Variants in DYSF observed in about 807,000 individuals in gnomAD.
The protein encoded by DYSF is dystrophy-associated fer-1-like 1.
A neutral mutation model predicts 274.9 loss-of-function variants in DYSF; 212 were observed. The observed-to-expected ratio is 0.77, with a 90% CI of 0.69 to 0.86. DYSF has a LOEUF of 0.86. DYSF is among the 40% of genes least tolerant of loss of function. The pLI, the probability that DYSF is intolerant of heterozygous loss-of-function variation, is 0.00. For missense variants in DYSF, 2,666 were observed against 2,783.2 expected (o/e 0.96, Z 0.95); for synonymous variants, 1,091 against 1,078.7 (o/e 1.01, Z -0.22).
At chr2:71,638,380 T>C (rs1002901016) in intron 41 of DYSF, among the ~76,000 whole-genome samples, 2 of 130,590 alleles carry the variant, frequency 1.5e-5, no homozygotes. Flanking sequence ...AAAAAAAAAG[T>C]ACTGAAGAGC....
In DYSF at chr2:71,600,711, G is replaced by A. The variant is rs1291667876; in HGVS notation, c.3766G>A (p.Glu1256Lys). The change falls in exon 34 of 56, where the codon GAG becomes AAG. Residue 1256 changes from glutamate to lysine, a missense_variant. Around this residue, in one of 3 missense-constraint regions of DYSF, gnomAD observed 1,460 missense variants for 1,502.1 expected, o/e 0.97. Transcript: ENST00000410020. ...TCTACGCTTGGTCTAGGGTGCAGAC[G>A]AGTTTATGGGTCGCTGCATCTGTCA... ...LYDHDTYGAD[E>K]FMGRCICQPS... 1.9e-6 allele frequency: 3 copies of A among 1,614,002 alleles called. No individual in the cohort carries two copies. The highest frequency in any genetic ancestry group is 2.2e-5 in the East Asian group (1 of 44,892).
intron 40 of DYSF, among the ~76,000 whole-genome samples, chr2:71,616,768 C>T (rs1288150374): frequency 6.6e-6 from 1 of 152,152 alleles, no homozygotes; most frequent in African/African-American, 2.4e-5. Flanking sequence ...GGCTTACCTC[C>T]ATCCAAACAC....
intron 45 of DYSF, among the ~76,000 whole-genome samples, chr2:71,662,522 C>G (rs201075015): frequency 2.5e-5 from 3 of 121,904 alleles, no homozygotes; most frequent in Non-Finnish European, 3.8e-5. Flanking sequence ...GTATGTGTGT[C>G]TGTGTTCGTG....
chr2:71,537,226 T>TTGTTG (rs1279067542), intron 16 of DYSF, among the ~76,000 whole-genome samples: 9 of 120,196 alleles, frequency 7.5e-5, no homozygotes, highest in Middle Eastern at 3.9e-3. Context: ...TAGTTTTGTT[T>TTGTTG]TTTTTTTTTT....
chr2:71,657,223 T>G (rs1319898409), intron 43 of DYSF, among the ~76,000 whole-genome samples: 1 of 152,210 alleles, frequency 6.6e-6, no homozygotes, highest in East Asian at 1.9e-4. Flanking sequence ...AGTCATATTT[T>G]AAAGCTCCAA....
At chr2:71,547,769 C>T (rs1031753880) in intron 17 of DYSF, among the ~76,000 whole-genome samples, 7 of 152,116 alleles carry the variant, frequency 4.6e-5, no homozygotes, top group Non-Finnish European at 1.5e-5. Context: ...GTCAGATGGC[C>T]GATGGGATTA....
At chr2:71,482,023 T>C in intron 3 of DYSF, 53 bp downstream of exon 3, 1 of 1,472,310 alleles carries the variant, frequency 6.8e-7, no homozygotes, top group Non-Finnish European at 9.5e-7. Context: ...GGTAGGATTG[T>C]GGAGTATACA....
chr2:71,511,397 T>C (rs2086077973), intron 4 of DYSF, among the ~76,000 whole-genome samples: 1 of 152,188 alleles, frequency 6.6e-6, no homozygotes, highest in Non-Finnish European at 1.5e-5. Flanking sequence ...ACAGGCCAAG[T>C]GGATAGTGGG....
chr2:71,667,461 G>A lies in DYSF; in HGVS notation c.5403G>A (p.Pro1801=), dbSNP rs771738959. The A allele has an allele frequency of 9.9e-6, 16 of 1,614,002 alleles. No homozygotes were observed. The highest frequency in any genetic ancestry group is 1.7e-5 in the Admixed American group (1 of 60,002). The change falls in exon 48 of 56, where the codon CCG becomes CCA. Residue 1801 remains proline, a synonymous_variant. Coordinates refer to ENST00000410020, the MANE Select transcript of DYSF (RefSeq NM_001130987.2). ...LHVLQQQGLV[P]EHVESRPLYS... ...TGCTTCAGCAGCAGGGCCTGGTCCCGGAGCACGTGGAGTCACGGCCCCTCT... is the reference window on the plus strand; with the variant it reads ...TGCTTCAGCAGCAGGGCCTGGTCCCAGAGCACGTGGAGTCACGGCCCCTCT...
At chr2:71,505,867 GC>G (rs1355056616) in intron 4 of DYSF, among the ~76,000 whole-genome samples, 1 of 152,244 alleles carries the variant, frequency 6.6e-6, no homozygotes. Context: ...AGCCTACGAA[GC>G]CCAGTGGTGT....
At chr2:71,591,432 C>A (rs1313556901) in intron 32 of DYSF, among the ~76,000 whole-genome samples, 1 of 152,250 alleles carries the variant, frequency 6.6e-6, no homozygotes, top group East Asian at 1.9e-4. Context: ...TTACTTTGAA[C>A]CTGCAGCACT....
chr2:71,555,902 G>T, intron 21 of DYSF, 63 bp from the exon 22 acceptor site: 1 of 1,328,296 alleles, frequency 7.5e-7, no homozygotes, highest in South Asian at 1.3e-5. Context: ...CCTGGGGGTT[G>T]GGTCCAGCAT....
intron 14 of DYSF, among the ~76,000 whole-genome samples, chr2:71,532,546 T>G (rs2088846844): frequency 6.6e-6 from 1 of 152,188 alleles, no homozygotes; most frequent in South Asian, 2.1e-4. Context: ...CCACAGGCAG[T>G]GCTGGCTGGG....
At chr2:71,576,519 G>A (rs956920558) in intron 30 of DYSF, 1 of 157,570 alleles carries the variant, frequency 6.3e-6, no homozygotes, top group Admixed American at 6.4e-5. Context: ...GGAAGGGCCA[G>A]AGGTGGACAG....
chr2:71,675,635 G>C (rs576646849), intron 52 of DYSF, among the ~76,000 whole-genome samples: 1 of 152,280 alleles, frequency 6.6e-6, no homozygotes, highest in East Asian at 1.9e-4. Context: ...GTGGCACCAA[G>C]TTTGACTTCT....
chr2:71,509,673 A>T (rs1347757485), intron 4 of DYSF, among the ~76,000 whole-genome samples: 1 of 152,112 alleles, frequency 6.6e-6, no homozygotes, highest in Non-Finnish European at 1.5e-5. Context: ...TACTGTTATT[A>T]TGTATTTTCA....
chr2:71,540,104 CTTTTTTTTTCTTT>C (rs2089784328), intron 17 of DYSF, among the ~76,000 whole-genome samples: 1 of 146,464 alleles, frequency 6.8e-6, no homozygotes, highest in Admixed American at 6.8e-5. Flanking sequence ...AAGATTTCAA[CTTTTTTTTTCTTT>C]TTTTTTTTTT....
rs932699255 is a variant in DYSF at position 71,526,072 on chromosome 2, C to T, written c.1150-148C>T. On this transcript the variant is annotated intron_variant, in intron 12 of 55. Coordinates refer to ENST00000410020, the MANE Select transcript of DYSF (RefSeq NM_001130987.2). The stretch of plus-strand genomic sequence containing the variant: ...TGAGGCTCAGGTGAAGGACCTTGCC[C>T]GAGACCACGCGGTAGTAAGTGTCGG... 12 of 1,420,776 alleles carry T rather than the reference C, an allele frequency of 8.4e-6. No individual in the cohort carries two copies. The African/African-American group carries it at 9.8e-5, about 12-fold the overall frequency. The allele number at this position is 1,420,776 out of a possible 1,614,324, so 88.0% of individuals were successfully genotyped here.
chr2:71,470,751 T>A (rs1411167456), intron 1 of DYSF, among the ~76,000 whole-genome samples: 24 of 144,164 alleles, frequency 1.7e-4, no homozygotes, highest in African/African-American at 5.6e-4. Flanking sequence ...CTTCCTTCCT[T>A]CCTTCCTTCC....
Sources: allele counts gnomAD v4.1 joint callset (sites outside exome capture counted in the v4.1 genomes callset), GRCh38; gene constraint gnomAD v4.1.1; regional missense constraint gnomAD v4.1.1; transcripts MANE v1.5; gene names NCBI Gene and HGNC (gene_info 2026-07-23, HGNC 2026-07-21).